The following AFG2A variants were observed in gnomAD, a reference collection of about 807,000 sequenced individuals.
AFG2A encodes the protein AAA ATPase AFG2A.
At chr4:123,223,295 T>A in the AFG2A span, among the ~76,000 whole-genome samples, 2 of 151,522 alleles carry the variant, frequency 1.3e-5, no homozygotes, top group Non-Finnish European at 2.9e-5. Flanking sequence ...AGTACTGACA[T>A]TGAGTAATTT....
chr4:123,256,763 C>T, the AFG2A span: 3 of 985,172 alleles, frequency 3.0e-6, no homozygotes, highest in African/African-American at 3.5e-5. Context: ...ACAGCAAGAC[C>T]TCTGTGAAAA....
the AFG2A span, among the ~76,000 whole-genome samples, chr4:123,148,855 G>T: frequency 2.0e-5 from 3 of 148,450 alleles, no homozygotes; most frequent in Admixed American, 1.4e-4. Flanking sequence ...TGCAACCTCT[G>T]TCTCCCGGGC....
chr4:123,172,031 A>G, the AFG2A span, among the ~76,000 whole-genome samples: 7 of 152,240 alleles, frequency 4.6e-5, no homozygotes, highest in South Asian at 2.1e-4. Context: ...GAACTTTTCT[A>G]TATTTTTTTC....
At chr4:123,160,651 C>T in the AFG2A span, among the ~76,000 whole-genome samples, 1 of 127,868 alleles carries the variant, frequency 7.8e-6, no homozygotes, top group Non-Finnish European at 1.7e-5. Context: ...TCAGACCTTC[C>T]GACCACCTCC....
the AFG2A span, among the ~76,000 whole-genome samples, chr4:123,115,735 A>G: frequency 6.6e-6 from 1 of 152,018 alleles, no homozygotes; most frequent in Non-Finnish European, 1.5e-5. Context: ...GTGCCCCACC[A>G]CAGCCGGTCC....
chr4:123,288,114 A>G, the AFG2A span, among the ~76,000 whole-genome samples: 69,125 of 151,948 alleles, frequency 0.45, 19,334 homozygotes, highest in Non-Finnish European at 0.59. Context: ...AGGATTGACC[A>G]TAGGATTAGT....
At chr4:123,257,079 C>G in the AFG2A span, among the ~76,000 whole-genome samples, 1 of 152,210 alleles carries the variant, frequency 6.6e-6, no homozygotes, top group South Asian at 2.1e-4. Flanking sequence ...TGTTTTCATT[C>G]GTCTTATGTA....
chr4:123,274,982 T>G, the AFG2A span, among the ~76,000 whole-genome samples: 2 of 152,164 alleles, frequency 1.3e-5, no homozygotes, highest in African/African-American at 4.8e-5. Context: ...ACCCATATAT[T>G]CACCTTCACA....
chr4:123,113,651 T>A, the AFG2A span, among the ~76,000 whole-genome samples: 1 of 152,222 alleles, frequency 6.6e-6, no homozygotes, highest in Non-Finnish European at 1.5e-5. Flanking sequence ...ATGTAAATTC[T>A]TGCAGCCCTT....
At chr4:123,213,388 T>G in the AFG2A span, among the ~76,000 whole-genome samples, 3 of 152,218 alleles carry the variant, frequency 2.0e-5, no homozygotes, top group East Asian at 3.9e-4. Flanking sequence ...AACAAAAATC[T>G]TATAAGTTTA....
At chr4:122,968,835 G>C in the AFG2A span, among the ~76,000 whole-genome samples, 1 of 152,080 alleles carries the variant, frequency 6.6e-6, no homozygotes, top group Non-Finnish European at 1.5e-5. Context: ...GGAGTTTATA[G>C]CAGTATTTCA....
chr4:123,149,084 TA>T, the AFG2A span, among the ~76,000 whole-genome samples: 4 of 152,324 alleles, frequency 2.6e-5, no homozygotes, highest in African/African-American at 9.6e-5. Context: ...ACACTGTTTT[TA>T]TACCACTGTT....
the AFG2A span, chr4:123,313,908 G>C: frequency 2.5e-6 from 4 of 1,599,284 alleles, no homozygotes; most frequent in Admixed American, 5.3e-5. Flanking sequence ...TCTGCAGAGA[G>C]GCAGCTCTTC....
At chr4:123,056,493 C>A in the AFG2A span, 3 of 1,474,334 alleles carry the variant, frequency 2.0e-6, no homozygotes, top group African/African-American at 2.8e-5. Flanking sequence ...ACACTTCTGT[C>A]CTGTGCAGCT....
chr4:122,974,649 T>C, the AFG2A span, among the ~76,000 whole-genome samples: 153 of 147,522 alleles, frequency 1.0e-3, 1 homozygote, highest in Middle Eastern at 3.4e-3. Flanking sequence ...GGAAAACTCT[T>C]TTTTTTTTGA....
At chr4:123,166,233 G>A in the AFG2A span, among the ~76,000 whole-genome samples, 9 of 152,088 alleles carry the variant, frequency 5.9e-5, no homozygotes, top group Non-Finnish European at 1.0e-4. Flanking sequence ...ATCTGTGTGG[G>A]CACAATCTAA....
the AFG2A span, among the ~76,000 whole-genome samples, chr4:123,081,923 G>T: frequency 6.6e-6 from 1 of 152,060 alleles, no homozygotes; most frequent in Non-Finnish European, 1.5e-5. Context: ...TATGCTTATT[G>T]TTTGTGTATT....
chr4:123,239,420 G>T, the AFG2A span, among the ~76,000 whole-genome samples: 1 of 152,058 alleles, frequency 6.6e-6, no homozygotes, highest in African/African-American at 2.4e-5. Context: ...AAATGTTAAG[G>T]GTAGCCTGAG....
the AFG2A span, among the ~76,000 whole-genome samples, chr4:123,291,694 T>C: frequency 6.6e-6 from 1 of 152,256 alleles, no homozygotes; most frequent in Non-Finnish European, 1.5e-5. Context: ...CACCAATCTT[T>C]TCTGGCTTAT....
Sources: allele counts gnomAD v4.1 joint callset (sites outside exome capture counted in the v4.1 genomes callset), GRCh38; gene constraint gnomAD v4.1.1; transcripts MANE v1.5; gene names NCBI Gene and HGNC (gene_info 2026-07-23, HGNC 2026-07-21).